SYMPK: variants seen among roughly 807,000 people sequenced by gnomAD.
SYMPK encodes symplekin scaffold protein, also known as symplekin.
In SYMPK, 49 loss-of-function variants were observed where a neutral mutation model predicts 136.4. That is an observed-to-expected ratio of 0.36 (90% CI 0.29 to 0.46). SYMPK has a LOEUF of 0.46. Among genes scored for constraint, SYMPK ranks in the 20% least tolerant of loss-of-function variants. SYMPK has a pLI of 1.00. For synonymous variants in SYMPK, 766 were observed against 713.0 expected (o/e 1.07, Z -1.19); for missense variants, 1,365 against 1,690.0 (o/e 0.81, Z 3.37).
intron 8 of SYMPK, 152 bp from the exon 9 acceptor site, chr19:45,842,641 T>C: frequency 9.7e-7 from 1 of 1,026,540 alleles, no homozygotes; most frequent in East Asian, 2.6e-5. Flanking sequence ...CTTTCCGCCT[T>C]ACAAGCTGAT....
chr19:45,845,372 T>C (rs1406313822), intron 7 of SYMPK, among the ~76,000 whole-genome samples: 2 of 152,174 alleles, frequency 1.3e-5, no homozygotes, highest in African/African-American at 4.8e-5. Flanking sequence ...TTTCAGCCTC[T>C]GGTAACCATC....
intron 16 of SYMPK, among the ~76,000 whole-genome samples, chr19:45,826,701 G>T (rs1273393876): frequency 1.3e-5 from 2 of 152,220 alleles, no homozygotes; most frequent in Non-Finnish European, 2.9e-5. Context: ...AACGTCTACT[G>T]CCAGCTAAAC....
intron 15 of SYMPK, 91 bp downstream of exon 15, chr19:45,827,746 G>T: frequency 6.6e-7 from 1 of 1,525,720 alleles, no homozygotes; most frequent in Non-Finnish European, 9.1e-7. Context: ...AAAACCCCCG[G>T]CCACAAGGTT....
intron 10 of SYMPK, 139 bp downstream of exon 10, chr19:45,838,322 T>C: frequency 9.2e-7 from 1 of 1,082,538 alleles, no homozygotes; most frequent in Non-Finnish European, 1.3e-6. Flanking sequence ...TGCAGAACTG[T>C]AAGCCAATTA....
chr19:45,831,717 T>A, intron 11 of SYMPK, 129 bp from the exon 12 acceptor site: 3 of 579,134 alleles, frequency 5.2e-6, no homozygotes, highest in Non-Finnish European at 8.3e-6. Context: ...CACACAACAC[T>A]GTCCTGGAGT....
chr19:45,816,233 G>A, intron 25 of SYMPK, 50 bp from the exon 26 acceptor site: 1 of 1,348,558 alleles, frequency 7.4e-7, no homozygotes, highest in Non-Finnish European at 9.9e-7. Context: ...TGGCTCAGAG[G>A]ACGGCCGGAA....
intron 1 of SYMPK, 30 bp downstream of exon 1, chr19:45,863,028 C>T (rs1487729958): frequency 7.6e-6 from 3 of 396,606 alleles, no homozygotes; most frequent in Non-Finnish European, 1.3e-5. Flanking sequence ...CTCCTTTCGT[C>T]TCCGGGCCCA....
intron 10 of SYMPK, among the ~76,000 whole-genome samples, chr19:45,837,237 T>C (rs556939727): frequency 6.6e-6 from 1 of 152,160 alleles, no homozygotes; most frequent in Non-Finnish European, 1.5e-5. Flanking sequence ...TGGTATTTTA[T>C]ACTATGAATA....
Position 45,821,283 on chromosome 19 carries a change from G to C in SYMPK, c.2893+101C>G. 1 of 902,532 alleles carries C rather than the reference G, an allele frequency of 1.1e-6. No individual in the cohort carries two copies. Among genetic ancestry groups the C allele is most frequent in the South Asian group, 1.3e-5 (1 of 76,132 alleles). The allele number at this position is 902,532 out of a possible 1,614,324, so 55.9% of individuals were successfully genotyped here. The stretch of plus-strand genomic sequence containing the variant: ...CTCTGAGGTGGGGCTGTGAGTGACA[G>C]TCTTTGACTTGGCAGATTCCAGTGG... On this transcript the variant is annotated intron_variant, in intron 22 of 26. Coordinates refer to ENST00000245934, the MANE Select transcript of SYMPK (RefSeq NM_004819.3). The surrounding 1 kb of genome is among the most constrained non-coding windows in gnomAD (Gnocchi z 4.4).
chr19:45,827,603 C>T lies in SYMPK; in HGVS notation c.2088G>A (p.Met696Ile). 6.2e-7 allele frequency: 1 copy of T among 1,614,192 alleles called. No individual in the cohort carries two copies. Among genetic ancestry groups the T allele is most frequent in the Non-Finnish European group, 8.5e-7 (1 of 1,180,026 alleles). ...TGAAGATCAGGTCTCGAAGTGTGGA[C>T]ATGCCCAGATAGGTGCGACTCTGCA... ...CEDESRTYLG[M>I]STLRDLIFKR... The change falls in exon 16 of 27, where the codon ATG (methionine) becomes ATA (isoleucine). Residue 696 changes from methionine to isoleucine, a missense_variant. Met to Ile is a conservative substitution (Grantham distance 10). Around this residue, in one of 11 missense-constraint regions of SYMPK, gnomAD observed 303 missense variants for 326.6 expected, o/e 0.93. Coordinates refer to ENST00000245934, the MANE Select transcript of SYMPK (RefSeq NM_004819.3).
chr19:45,818,724 A>AC (rs1274993868), intron 22 of SYMPK, among the ~76,000 whole-genome samples: 1 of 151,644 alleles, frequency 6.6e-6, no homozygotes, highest in African/African-American at 2.4e-5. Context: ...GCATACGATG[A>AC]CCCCCCGACT....
intron 25 of SYMPK, 75 bp downstream of exon 25, chr19:45,816,407 C>A: frequency 6.6e-7 from 1 of 1,523,664 alleles, no homozygotes; most frequent in Non-Finnish European, 8.8e-7. Context: ...AGGAGGAGGC[C>A]ATGGTGAGCC....
At chr19:45,833,120 T>C (rs543262626) in intron 11 of SYMPK, among the ~76,000 whole-genome samples, 1 of 151,864 alleles carries the variant, frequency 6.6e-6, no homozygotes, top group South Asian at 2.1e-4. Flanking sequence ...GGAGAATCGC[T>C]TGAATCCAGG....
At position 45,818,136 on chromosome 19, in the gene SYMPK, C is replaced by T. The variant is rs1970797990; in HGVS notation, c.2904G>A (p.Leu968=). Residue 968 remains leucine (L), a synonymous_variant, in exon 23 of 27, where the codon CTG becomes CTA. Transcript: ENST00000245934. ...DMKSIIKATN[L]CFAERNVYTS... ...TGTACACGTTCCGCTCCGCAAAGCA[C>T]AGGTTGGTGGCTGCGAGGAGGCGGA... 1 of 1,547,206 alleles carries T rather than the reference C, an allele frequency of 6.5e-7. No homozygotes were observed. The highest frequency in any genetic ancestry group is 1.4e-5 in the African/African-American group (1 of 73,184).
rs376077743 is a variant in SYMPK at position 45,841,584 on chromosome 19, C to T, written c.1087+666G>A. ...CTGGGATTACAGGCGTGAGCCACTG[C>T]GCCCAGCCTAATTCCTTATTTTTTA... On this transcript the variant is annotated intron_variant, in intron 9 of 26. Coordinates refer to ENST00000245934, the MANE Select transcript of SYMPK (RefSeq NM_004819.3). Among the ~76,000 whole-genome samples, 122 of 152,028 alleles carry T rather than the reference C, an allele frequency of 8.0e-4. 1 individual carries two copies. The highest frequency in any genetic ancestry group is 2.7e-3 in the African/African-American group (110 of 41,468).
At chr19:45,841,459 A>G (rs1971434460) in intron 9 of SYMPK, among the ~76,000 whole-genome samples, 1 of 151,858 alleles carries the variant, frequency 6.6e-6, no homozygotes, top group South Asian at 2.1e-4. Context: ...CACCCAGCTA[A>G]TTTTTGTATT....
intron 1 of SYMPK, among the ~76,000 whole-genome samples, chr19:45,858,315 C>A (rs913282805): frequency 2.6e-5 from 4 of 152,160 alleles, no homozygotes; most frequent in African/African-American, 7.2e-5. Context: ...TGCCTCTCCC[C>A]CTGGGCTCTT....
chr19:45,834,205 G>A (rs908078275), intron 11 of SYMPK, among the ~76,000 whole-genome samples: 5 of 150,930 alleles, frequency 3.3e-5, no homozygotes, highest in Admixed American at 1.3e-4. Flanking sequence ...GGAGAATGGC[G>A]TGAACCCGAG....
At chr19:45,824,008 G>A (rs1275218689) in intron 18 of SYMPK, 133 bp from the exon 19 acceptor site, 2 of 507,526 alleles carry the variant, frequency 3.9e-6, no homozygotes, top group East Asian at 8.4e-5. Flanking sequence ...TGGAGGGCGG[G>A]GGAAAGGTGG....
Sources: allele counts gnomAD v4.1 joint callset (sites outside exome capture counted in the v4.1 genomes callset), GRCh38; gene constraint gnomAD v4.1.1; regional missense constraint gnomAD v4.1.1; non-coding constraint Gnocchi (gnomAD v3.1); transcripts MANE v1.5; gene names NCBI Gene and HGNC (gene_info 2026-07-23, HGNC 2026-07-21).